Variants in USP10 observed in about 807,000 individuals in gnomAD.
USP10 encodes the protein ubiquitin specific peptidase 10.
Under a neutral mutation model 84.5 loss-of-function variants are expected in USP10, and 22 were observed. The ratio of observed to expected loss-of-function variants is 0.26; its 90% CI spans 0.19 to 0.37. The LOEUF is 0.37. Ranked by LOEUF, USP10 falls within the 10% of genes least tolerant of loss-of-function variation. USP10 has a pLI of 1.00. For synonymous variants in USP10, 454 were observed against 387.6 expected (o/e 1.17, Z -2.01); for missense variants, 1,019 against 998.9 (o/e 1.02, Z -0.27).
chr16:84,732,727 C>T (rs1909402456), intron 1 of USP10: 1 of 298,170 alleles, frequency 3.4e-6, no homozygotes, highest in Non-Finnish European at 6.5e-6. Context: ...GGATTATAGG[C>T]GTGAGCTACT....
At chr16:84,772,447 C>G (rs1375636414) in intron 11 of USP10, 94 bp from the exon 12 acceptor site, 28 of 1,562,944 alleles carry the variant, frequency 1.8e-5, no homozygotes, top group Non-Finnish European at 2.3e-5. Flanking sequence ...TGGGCCTCAC[C>G]TCTCAGAGGA....
intron 1 of USP10, among the ~76,000 whole-genome samples, chr16:84,714,020 G>A (rs776835969): frequency 5.3e-5 from 8 of 152,212 alleles, no homozygotes; most frequent in Non-Finnish European, 1.0e-4. Context: ...AAAAGTTCTG[G>A]GAGACTAGAA....
intron 4 of USP10, 46 bp downstream of exon 4, chr16:84,745,719 C>T (rs775909301): frequency 6.5e-7 from 1 of 1,543,654 alleles, no homozygotes; most frequent in Non-Finnish European, 8.8e-7. Flanking sequence ...GGGAGCAGAC[C>T]TCATCAACTG....
chr16:84,744,727 A>G lies in USP10; in HGVS notation c.246A>G (p.Thr82=), dbSNP rs1277310285. Residue 82 remains threonine (T), a synonymous_variant, in exon 4 of 14, where the codon ACA becomes ACG. Coordinates refer to ENST00000219473, the MANE Select transcript of USP10 (RefSeq NM_005153.3). ...PRTPSYSISS[T]LNPQAPEFIL... ...CCCCCAGCTACAGTATTTCAAGCAC[A>G]CTGAACCCTCAGGCCCCTGAATTTA... 10 of 1,613,684 alleles carry G rather than the reference A, an allele frequency of 6.2e-6. No homozygotes were observed. Among genetic ancestry groups the G allele is most frequent in the Middle Eastern group, 1.7e-4 (1 of 6,056 alleles).
intron 4 of USP10, among the ~76,000 whole-genome samples, chr16:84,747,529 CAT>C (rs1911376275): frequency 7.4e-6 from 1 of 135,720 alleles, no homozygotes; most frequent in Non-Finnish European, 1.6e-5. Flanking sequence ...TTTTGGGCTT[CAT>C]ATATATTTTT....
At position 84,764,271 on chromosome 16, in the gene USP10, C is replaced by G. The variant is rs1254287312; in HGVS notation, c.1832+8C>G. On this transcript the variant is annotated splice_region_variant and intron_variant, in intron 10 of 13. Coordinates refer to ENST00000219473, the MANE Select transcript of USP10 (RefSeq NM_005153.3). ...TTTTGGTGGACACATCAGGTTTGTGCTTTTCTGGAATAACTTAATATTTGC... is the reference window on the plus strand; with the variant it reads ...TTTTGGTGGACACATCAGGTTTGTGGTTTTCTGGAATAACTTAATATTTGC... The G allele has an allele frequency of 1.2e-6, 2 of 1,613,958 alleles. No individual in the cohort carries two copies. The highest frequency in any genetic ancestry group is 1.1e-5 in the South Asian group (1 of 91,084).
chr16:84,713,008 T>A (rs1481268803), intron 1 of USP10, among the ~76,000 whole-genome samples: 1 of 152,188 alleles, frequency 6.6e-6, no homozygotes, highest in African/African-American at 2.4e-5. Context: ...GCAGGCCTGC[T>A]TACAGCAAAT....
At chr16:84,728,440 A>G (rs980653439) in intron 1 of USP10, among the ~76,000 whole-genome samples, 1 of 151,818 alleles carries the variant, frequency 6.6e-6, no homozygotes, top group East Asian at 1.9e-4. Flanking sequence ...CCCCGGTTCA[A>G]GCGATTCCCC....
At chr16:84,775,317 AC>A in intron 13 of USP10, 92 bp downstream of exon 13, 1 of 1,279,744 alleles carries the variant, frequency 7.8e-7, no homozygotes, top group Non-Finnish European at 1.1e-6. Flanking sequence ...TAGCATAGCG[AC>A]CAGATGCTGT....
At chr16:84,740,050 T>G (rs1910443399) in intron 2 of USP10, among the ~76,000 whole-genome samples, 1 of 152,262 alleles carries the variant, frequency 6.6e-6, no homozygotes, top group African/African-American at 2.4e-5. Flanking sequence ...CCATTGGAGT[T>G]CATTTTTATT....
At chr16:84,754,467 G>C (rs1389540763) in intron 4 of USP10, among the ~76,000 whole-genome samples, 1 of 152,166 alleles carries the variant, frequency 6.6e-6, no homozygotes, top group East Asian at 1.9e-4. Context: ...ACATTTCCTA[G>C]TACACGTCCC....
At chr16:84,720,374 G>T (rs1441268275) in intron 1 of USP10, among the ~76,000 whole-genome samples, 1 of 152,052 alleles carries the variant, frequency 6.6e-6, no homozygotes, top group African/African-American at 2.4e-5. Context: ...TCTGTTTAAT[G>T]AAATACTATA....
rs141400820 is a variant in USP10, at chr16:84,732,584, C to G, written c.22-851C>G. 1,369 of 333,238 alleles carry G rather than the reference C, an allele frequency of 4.1e-3. 12 individuals are homozygous for G. Among genetic ancestry groups the G allele is most frequent in the African/African-American group, 0.029 (1,253 of 43,864 alleles). 20.6% of individuals were successfully genotyped at this position (333,238 alleles called of 1,614,324 possible). A position where few individuals can be genotyped will look rare whatever the true frequency, so the allele number is the denominator to read the frequency against. ...GGCTCAGCCTCCCGAGCAGCCGGGA[C>G]TACAGGTACACGCCACCACGCCTGG... On this transcript the variant is annotated intron_variant, in intron 1 of 13. Coordinates refer to ENST00000219473, the MANE Select transcript of USP10 (RefSeq NM_005153.3).
rs968768729 is a variant in USP10 at position 84,750,391 on chromosome 16, A to G, written c.1192+4718A>G. Among the ~76,000 whole-genome samples the G allele has an allele frequency of 3.6e-5, 5 of 140,116 alleles. No individual in the cohort carries two copies. In the East Asian group the frequency reaches 1.1e-3, roughly 31 times the overall value. The allele number at this position is 140,116 out of a possible 152,430, so 91.9% of individuals were successfully genotyped here. ...CACTGCACTCCAGCCTGGGCCACAG[A>G]GTGAGACTGTCTCAAAAAAAAAAAA... On this transcript the variant is annotated intron_variant, in intron 4 of 13. Transcript: ENST00000219473.
At chr16:84,721,048 C>T (rs1021174338) in intron 1 of USP10, among the ~76,000 whole-genome samples, 1 of 151,976 alleles carries the variant, frequency 6.6e-6, no homozygotes, top group Non-Finnish European at 1.5e-5. Context: ...TGCCCGCCAC[C>T]ATGCCTGACT....
rs1233868288 is a variant in USP10 at position 84,772,651 on chromosome 16, T to C, written c.2109T>C (p.Asn703=). ...GTGGGTGCCAGAAGCTTATCAAAAA[T>C]ATTGAATATCCTGTGGACTTGGAAA... is the stretch of plus-strand genomic sequence containing the variant. ...KTGGCQKLIK[N]IEYPVDLEIS... Residue 703 remains asparagine (N), a synonymous_variant, in exon 12 of 14, where the codon AAT becomes AAC. Coordinates refer to ENST00000219473, the MANE Select transcript of USP10 (RefSeq NM_005153.3). 3.1e-6 allele frequency: 5 copies of C among 1,613,880 alleles called. No homozygotes were observed. The highest frequency in any genetic ancestry group is 1.3e-5 in the African/African-American group (1 of 74,908).
intron 9 of USP10, among the ~76,000 whole-genome samples, chr16:84,763,797 C>A (rs1245928296): frequency 6.6e-6 from 1 of 151,898 alleles, no homozygotes. Flanking sequence ...GCACCTGTTG[C>A]GATTGGTTGC....
chr16:84,757,772 A>C (rs751465865), intron 4 of USP10, among the ~76,000 whole-genome samples: 10 of 152,132 alleles, frequency 6.6e-5, no homozygotes, highest in Non-Finnish European at 1.2e-4. Context: ...TGGCTATGCT[A>C]CCTGGCTCCT....
chr16:84,749,641 T>G (rs1911671102), intron 4 of USP10, among the ~76,000 whole-genome samples: 1 of 152,200 alleles, frequency 6.6e-6, no homozygotes, highest in African/African-American at 2.4e-5. Context: ...ATCTCAAGTT[T>G]GTTTCAAATA....
Sources: gnomAD v4.1 joint callset for allele counts (sites outside exome capture counted in the v4.1 genomes callset) on GRCh38, gnomAD v4.1.1 for gene constraint, MANE v1.5 for transcripts, NCBI Gene and HGNC (gene_info 2026-07-23, HGNC 2026-07-21) for gene names.